Variants in COG5 observed in about 807,000 individuals in gnomAD.
The protein encoded by COG5 is component of oligomeric golgi complex 5.
Under a neutral mutation model 110.4 loss-of-function variants are expected in COG5, and 86 were observed. The ratio of observed to expected loss-of-function variants is 0.78; its 90% CI spans 0.65 to 0.93. The LOEUF (loss-of-function observed/expected upper bound fraction) is 0.93, where lower values mean the gene tolerates loss of function less well. Among genes scored for constraint, COG5 ranks in the 40% least tolerant of loss-of-function variants. The pLI, the probability that COG5 is intolerant of heterozygous loss-of-function variation, is 0.00. For missense variants in COG5, 1,077 were observed against 987.0 expected (o/e 1.09, Z -1.22); for synonymous variants, 360 against 334.6 (o/e 1.08, Z -0.83).
intron 6 of COG5, among the ~76,000 whole-genome samples, chr7:107,415,758 GTA>G (rs1466448546): frequency 2.1e-5 from 3 of 144,120 alleles, no homozygotes; most frequent in East Asian, 4.1e-4. Context: ...ATGTATATAT[GTA>G]TGTGTGTATA....
intron 10 of COG5, among the ~76,000 whole-genome samples, chr7:107,346,535 T>C (rs1052456063): frequency 6.6e-6 from 1 of 152,208 alleles, no homozygotes; most frequent in African/African-American, 2.4e-5. Context: ...GTGATTTTTT[T>C]TAAAGTCTAA....
intron 6 of COG5, among the ~76,000 whole-genome samples, chr7:107,519,052 G>A (rs1371918558): frequency 6.6e-6 from 1 of 152,092 alleles, no homozygotes; most frequent in Non-Finnish European, 1.5e-5. Flanking sequence ...AATGACTCCT[G>A]GGTAAATAAC....
intron 6 of COG5, among the ~76,000 whole-genome samples, chr7:107,463,607 TC>T (rs2129102646): frequency 6.6e-6 from 1 of 152,314 alleles, no homozygotes; most frequent in East Asian, 1.9e-4. Context: ...GCCCAGAGGC[TC>T]CATCTACATT....
intron 14 of COG5, among the ~76,000 whole-genome samples, chr7:107,278,964 G>A (rs1804929630): frequency 6.6e-6 from 1 of 152,274 alleles, no homozygotes; most frequent in Non-Finnish European, 1.5e-5. Flanking sequence ...AAGAGCTTCT[G>A]CATAGCCAAA....
At chr7:107,265,989 C>A (rs1051904332) in intron 14 of COG5, among the ~76,000 whole-genome samples, 1 of 151,994 alleles carries the variant, frequency 6.6e-6, no homozygotes, top group Non-Finnish European at 1.5e-5. Flanking sequence ...GAGGTCAAGG[C>A]TGCAGTGAGC....
At position 107,442,391 on chromosome 7, in the gene COG5, T is replaced by C. The variant is rs535180094; in HGVS notation, c.539-29759A>G. 9.2e-5 allele frequency among the ~76,000 whole-genome samples: 14 copies of C among 152,296 alleles called. No homozygotes were observed. In the South Asian group the frequency reaches 2.9e-3, roughly 32 times the overall value. Reference sequence around the variant, plus strand: ...TTACCCATTCTCAGGGAGTTCTTTATATTAATAGTAATGTGAGAACAGACT... The same window carrying C: ...TTACCCATTCTCAGGGAGTTCTTTACATTAATAGTAATGTGAGAACAGACT... On this transcript the variant is annotated intron_variant, in intron 6 of 21. Coordinates refer to ENST00000297135, the MANE Select transcript of COG5 (RefSeq NM_006348.5).
At chr7:107,461,022 A>G (rs1358285272) in intron 6 of COG5, among the ~76,000 whole-genome samples, 1 of 152,148 alleles carries the variant, frequency 6.6e-6, no homozygotes, top group Non-Finnish European at 1.5e-5. Flanking sequence ...TAAACATTTA[A>G]GAAAGGACTA....
chr7:107,316,657 CAAAAAA>C (rs760555445), intron 11 of COG5, among the ~76,000 whole-genome samples: 28 of 75,906 alleles, frequency 3.7e-4, no homozygotes, highest in African/African-American at 1.4e-3. Context: ...ACTAAAAATA[CAAAAAA>C]AAAAAAAAAA....
intron 12 of COG5, among the ~76,000 whole-genome samples, chr7:107,296,581 CTTTTTT>C (rs35340234): frequency 8.1e-6 from 1 of 123,514 alleles, no homozygotes; most frequent in African/African-American, 3.1e-5. Flanking sequence ...CAAAACTACT[CTTTTTT>C]TTTTTTTTTT....
At chr7:107,546,194 G>C (rs569573831) in intron 5 of COG5, among the ~76,000 whole-genome samples, 1 of 152,100 alleles carries the variant, frequency 6.6e-6, no homozygotes, top group South Asian at 2.1e-4. Context: ...ACAACATACC[G>C]AAAGTTATGG....
At chr7:107,231,523 T>C (rs1360723848) in intron 18 of COG5, among the ~76,000 whole-genome samples, 2 of 152,196 alleles carry the variant, frequency 1.3e-5, no homozygotes, top group African/African-American at 4.8e-5. Context: ...ACTCAGGTGA[T>C]AGACTGCTTC....
intron 5 of COG5, among the ~76,000 whole-genome samples, chr7:107,544,197 T>G (rs912251747): frequency 6.6e-6 from 1 of 151,828 alleles, no homozygotes; most frequent in African/African-American, 2.4e-5. Flanking sequence ...CAGGCCTGAC[T>G]CACAGACTCC....
chr7:107,555,678 C>A (rs1158378611), intron 2 of COG5, among the ~76,000 whole-genome samples: 1 of 152,156 alleles, frequency 6.6e-6, no homozygotes, highest in Non-Finnish European at 1.5e-5. Context: ...TCCCTTGCAA[C>A]CAATTAAATG....
chr7:107,450,641 G>C (rs1406284352), intron 6 of COG5, among the ~76,000 whole-genome samples: 4 of 152,130 alleles, frequency 2.6e-5, no homozygotes, highest in Non-Finnish European at 5.9e-5. Context: ...GTAAGAGATG[G>C]GCTAGCTCCA....
At chr7:107,427,603 A>G (rs978920718) in intron 6 of COG5, among the ~76,000 whole-genome samples, 1 of 151,898 alleles carries the variant, frequency 6.6e-6, no homozygotes, top group Non-Finnish European at 1.5e-5. Flanking sequence ...GACTTTTGCC[A>G]GCTGGACCTC....
intron 10 of COG5, among the ~76,000 whole-genome samples, chr7:107,348,234 A>T (rs1811811283): frequency 6.6e-6 from 1 of 151,712 alleles, no homozygotes; most frequent in African/African-American, 2.4e-5. Context: ...AATATTGAAA[A>T]TTTTTCAATA....
At chr7:107,416,212 G>T (rs1792834202) in intron 6 of COG5, among the ~76,000 whole-genome samples, 1 of 151,608 alleles carries the variant, frequency 6.6e-6, no homozygotes, top group Non-Finnish European at 1.5e-5. Context: ...GTTCATAGTA[G>T]CACTGTTAAA....
intron 6 of COG5, among the ~76,000 whole-genome samples, chr7:107,464,710 T>C (rs1319557663): frequency 6.6e-6 from 1 of 152,106 alleles, no homozygotes; most frequent in Non-Finnish European, 1.5e-5. Flanking sequence ...TAACATAAGA[T>C]GTAAGATGCC....
At position 107,396,046 on chromosome 7, in the gene COG5, A is replaced by C. The variant is rs141600772; in HGVS notation, c.669+16456T>G. Among the ~76,000 whole-genome samples, 187 of 152,336 alleles carry C rather than the reference A, an allele frequency of 1.2e-3. 2 individuals carry two copies. The highest frequency in any genetic ancestry group is 4.3e-3 in the African/African-American group (178 of 41,582). ...CCATAACACCATACATGTGACAACTATATAACAGGACAAAATATTTAAGGC... is the reference window on the plus strand; with the variant it reads ...CCATAACACCATACATGTGACAACTCTATAACAGGACAAAATATTTAAGGC... On this transcript the variant is annotated intron_variant, in intron 7 of 21. Transcript: ENST00000297135.
Sources: allele counts gnomAD v4.1 joint callset (sites outside exome capture counted in the v4.1 genomes callset), GRCh38; gene constraint gnomAD v4.1.1; transcripts MANE v1.5; gene names NCBI Gene and HGNC (gene_info 2026-07-23, HGNC 2026-07-21).